AP1AR: variants seen among roughly 807,000 people sequenced by gnomAD.
The protein encoded by AP1AR is AP-1 complex-associated regulatory protein.
Under a neutral mutation model 46.3 loss-of-function variants are expected in AP1AR, and 29 were observed. The ratio of observed to expected loss-of-function variants is 0.63; its 90% confidence interval spans 0.47 to 0.85. AP1AR has a LOEUF of 0.85. Among genes scored for constraint, AP1AR ranks in the 40% least tolerant of loss-of-function variants. AP1AR has a pLI of 0.00. For missense variants in AP1AR, 357 were observed against 356.3 expected (o/e 1.00, Z -0.02); for synonymous variants, 122 against 122.9 (o/e 0.99, Z 0.05).
chr4:112,251,178 G>T (rs762993126), intron 1 of AP1AR, among the ~76,000 whole-genome samples: 7 of 152,140 alleles, frequency 4.6e-5, no homozygotes, highest in Non-Finnish European at 1.0e-4. Flanking sequence ...CTCAGTTTCT[G>T]TGTAACCCTG....
At chr4:112,240,763 A>G (rs1436226979) in intron 1 of AP1AR, among the ~76,000 whole-genome samples, 1 of 152,104 alleles carries the variant, frequency 6.6e-6, no homozygotes, top group Non-Finnish European at 1.5e-5. Flanking sequence ...TTGTTAATTT[A>G]CCTGTGTGTC....
intron 6 of AP1AR, 113 bp downstream of exon 6, chr4:112,263,199 C>A: frequency 1.3e-6 from 1 of 756,776 alleles, no homozygotes; most frequent in Non-Finnish European, 2.1e-6. Context: ...TGTTTAACAA[C>A]GAATGTGTTT....
intron 1 of AP1AR, among the ~76,000 whole-genome samples, chr4:112,246,378 C>T (rs957309739): frequency 4.6e-5 from 7 of 152,082 alleles, no homozygotes; most frequent in African/African-American, 1.4e-4. Context: ...TGGTGGTGCA[C>T]GCCTGTAGGC....
In AP1AR at chr4:112,231,829, A is replaced by T. The variant is rs957979454; in HGVS notation, c.-263A>T. 4 of 360,928 alleles carry T rather than the reference A, an allele frequency of 1.1e-5. No homozygotes were observed. Among genetic ancestry groups the T allele is most frequent in the African/African-American group, 2.1e-5 (1 of 47,670 alleles). 22.4% of individuals were successfully genotyped at this position (360,928 alleles called of 1,614,324 possible). ...AGCTGAGGCGAGAAGGGCCATGCGG[A>T]CGGCGAGGGAGTCCAGAGCCTTGAG... On this transcript the variant is annotated 5_prime_UTR_variant, in exon 1 of 10. Transcript: ENST00000274000.
intron 2 of AP1AR, among the ~76,000 whole-genome samples, chr4:112,253,734 C>T (rs1726062461): frequency 6.6e-6 from 1 of 152,196 alleles, no homozygotes; most frequent in Non-Finnish European, 1.5e-5. Flanking sequence ...AATGTCATCA[C>T]AACTCTCTTG....
chr4:112,235,713 C>T (rs1013854361), intron 1 of AP1AR, among the ~76,000 whole-genome samples: 1 of 152,148 alleles, frequency 6.6e-6, no homozygotes, highest in Non-Finnish European at 1.5e-5. Flanking sequence ...CCTCTGAATT[C>T]AGAGTTCTTA....
At position 112,268,498 on chromosome 4, in the gene AP1AR, A is replaced by G. The variant is rs958803208; in HGVS notation, c.*89A>G. The G allele has an allele frequency of 1.5e-6, 2 of 1,315,690 alleles. No homozygotes were observed. 81.5% of individuals were successfully genotyped at this position (1,315,690 alleles called of 1,614,324 possible). A position where few individuals can be genotyped will look rare whatever the true frequency, so the allele number is the denominator to read the frequency against. Reference sequence around the variant, plus strand: ...AAGTGATTGTGCTTAGCCTTTTTGTAAGGGAGATGTGTAAGAAACCATGTT... The same window carrying G: ...AAGTGATTGTGCTTAGCCTTTTTGTGAGGGAGATGTGTAAGAAACCATGTT... On this transcript the variant is annotated 3_prime_UTR_variant, in exon 10 of 10. Coordinates refer to ENST00000274000, the MANE Select transcript of AP1AR (RefSeq NM_018569.6).
intron 1 of AP1AR, among the ~76,000 whole-genome samples, chr4:112,240,935 T>A (rs903966008): frequency 6.6e-6 from 1 of 152,208 alleles, no homozygotes; most frequent in African/African-American, 2.4e-5. Context: ...GATACATAAG[T>A]GGCAACAGTT....
rs894589557 is a variant in AP1AR at position 112,268,790 on chromosome 4, T to G, written c.*381T>G. ...AACTATGAAAATATTAAGACTTTTT[T>G]GTTAATTCTCAGCCGATGTGAAGGA... is the stretch of plus-strand genomic sequence containing the variant. On this transcript the variant is annotated 3_prime_UTR_variant, in exon 10 of 10. Coordinates refer to ENST00000274000, the MANE Select transcript of AP1AR (RefSeq NM_018569.6). 1.3e-5 allele frequency: 2 copies of G among 156,346 alleles called. No homozygotes were observed. The highest frequency in any genetic ancestry group is 4.8e-5 in the African/African-American group (2 of 41,716). The allele number at this position is 156,346 out of a possible 1,614,324, so 9.7% of individuals were successfully genotyped here.
intron 1 of AP1AR, among the ~76,000 whole-genome samples, chr4:112,250,195 C>T (rs1486672773): frequency 6.6e-6 from 1 of 152,076 alleles, no homozygotes; most frequent in Non-Finnish European, 1.5e-5. Flanking sequence ...TGCCAAGAGC[C>T]TCATTGAGAA....
rs1726891576 is a variant in AP1AR, at chr4:112,270,152, AG to A, written c.*1744del. 1 of 152,636 alleles carries A rather than the reference AG, an allele frequency of 6.6e-6. No homozygotes were observed. Among genetic ancestry groups the A allele is most frequent in the African/African-American group, 2.4e-5 (1 of 41,474 alleles). 9.5% of individuals were successfully genotyped at this position (152,636 alleles called of 1,614,324 possible). On this transcript the variant is annotated 3_prime_UTR_variant, in exon 10 of 10. Transcript: ENST00000274000. ...TTATTAAATCTGATGTGAAGACAAAAGTAAATTAAGAAAGCAAGATGGAACT... is the reference window on the plus strand; with the variant it reads ...TTATTAAATCTGATGTGAAGACAAAATAAATTAAGAAAGCAAGATGGAACT...
intron 3 of AP1AR, 66 bp from the exon 4 acceptor site, chr4:112,257,706 A>G: frequency 7.9e-7 from 1 of 1,261,360 alleles, no homozygotes; most frequent in Admixed American, 2.4e-5. Flanking sequence ...TAAAAATTGT[A>G]TTGGTTACTT....
intron 5 of AP1AR, among the ~76,000 whole-genome samples, chr4:112,261,644 G>T (rs1246363405): frequency 6.6e-6 from 1 of 151,938 alleles, no homozygotes; most frequent in Non-Finnish European, 1.5e-5. Flanking sequence ...ATATTCTGCT[G>T]CACATTTAAA....
chr4:112,257,060 T>G (rs1196473533), intron 3 of AP1AR, among the ~76,000 whole-genome samples: 1 of 152,152 alleles, frequency 6.6e-6, no homozygotes, highest in African/African-American at 2.4e-5. Context: ...CTAACACACA[T>G]ATTTTCCCCA....
At chr4:112,252,837 C>T (rs1272907719) in intron 1 of AP1AR, among the ~76,000 whole-genome samples, 1 of 151,988 alleles carries the variant, frequency 6.6e-6, no homozygotes, top group Non-Finnish European at 1.5e-5. Context: ...AGAACATATT[C>T]TTTTTATATA....
intron 5 of AP1AR, among the ~76,000 whole-genome samples, chr4:112,261,252 G>A (rs933616495): frequency 6.6e-6 from 1 of 152,082 alleles, no homozygotes; most frequent in Non-Finnish European, 1.5e-5. Flanking sequence ...CAGCAACATG[G>A]CAAAACCCCG....
Position 112,254,763 on chromosome 4 carries a change from A to G in AP1AR, c.149A>G (p.Glu50Gly). The stretch of plus-strand genomic sequence containing the variant: ...TCCTTTCAGTTTGAGAATCTAGTAG[A>G]AAGTGATGAAGTAAGTATTTCCATA... Reference protein sequence around the residue: ...HLTIEFENLVESDEGESPGSS... With the variant: ...HLTIEFENLVGSDEGESPGSS... Residue 50 changes from glutamate to glycine, a missense_variant, in exon 3 of 10, where the codon GAA becomes GGA. This residue lies in a region of AP1AR where 269 missense variants were observed against 223.6 expected (regional missense o/e 1.20). Transcript: ENST00000274000. 2 of 1,503,844 alleles carry G rather than the reference A, an allele frequency of 1.3e-6. No individual in the cohort carries two copies. The highest frequency in any genetic ancestry group is 1.8e-6 in the Non-Finnish European group (2 of 1,115,454). 93.2% of individuals were successfully genotyped at this position (1,503,844 alleles called of 1,614,324 possible).
chr4:112,263,035 C>T lies in AP1AR; in HGVS notation c.330C>T (p.Tyr110=), dbSNP rs376211350. 2.0e-5 allele frequency: 33 copies of T among 1,613,670 alleles called. No individual in the cohort carries two copies. The highest frequency in any genetic ancestry group is 1.4e-4 in the South Asian group (13 of 91,070). The change falls in exon 6 of 10, where the codon TAC becomes TAT. Residue 110 remains tyrosine, a synonymous_variant. Transcript: ENST00000274000. ...TAAGACTAGAAGAAGAAGCTTTATA[C>T]GCTGCACAGCGTGAAGCAGCCAGGG... ...EKLRLEEEAL[Y]AAQREAARAA...
chr4:112,267,729 G>C (rs141193507), intron 9 of AP1AR, among the ~76,000 whole-genome samples: 51 of 152,000 alleles, frequency 3.4e-4, no homozygotes, highest in African/African-American at 1.1e-3. Flanking sequence ...CCTAGTAAAT[G>C]CTGGAAAAGT....
Sources: allele counts gnomAD v4.1 joint callset (sites outside exome capture counted in the v4.1 genomes callset), GRCh38; gene constraint gnomAD v4.1.1; regional missense constraint gnomAD v4.1.1; transcripts MANE v1.5; gene names NCBI Gene and HGNC (gene_info 2026-07-23, HGNC 2026-07-21).